Variants in MTRFR observed in about 807,000 individuals in gnomAD.
MTRFR encodes the protein probable peptide chain release factor C12orf65, mitochondrial.
MTRFR carries 10 observed loss-of-function variants against 11.9 expected under a neutral mutation model. The ratio of observed to expected loss-of-function variants is 0.84; its 90% CI spans 0.52 to 1.42. The LOEUF (loss-of-function observed/expected upper bound fraction) is 1.42, where lower values mean the gene tolerates loss of function less well. MTRFR is among the 40% of genes most tolerant of loss of function. MTRFR has a pLI of 0.00. For missense variants in MTRFR, 196 were observed against 197.9 expected, an observed-to-expected ratio of 0.99 and a Z score of 0.06; for synonymous variants, 77 against 79.1, an observed-to-expected ratio of 0.97 and a Z score of 0.14.
At chr12:123,238,831 C>T (rs1282904398) in intron 1 of MTRFR, among the ~76,000 whole-genome samples, 2 of 152,108 alleles carry the variant, frequency 1.3e-5, no homozygotes, top group Non-Finnish European at 2.9e-5. Context: ...CTATGTGGAC[C>T]ACACTTTGGG....
At chr12:123,253,978 A>C in intron 2 of MTRFR, 22 bp downstream of exon 2, 1 of 1,613,382 alleles carries the variant, frequency 6.2e-7, no homozygotes, top group Middle Eastern at 1.7e-4. Flanking sequence ...AAGGCCGCTG[A>C]GGGGAGAGGC....
rs1309841008 is a variant in MTRFR, at chr12:123,233,545, G to A, written c.-29+14G>A. 1 of 152,268 alleles carries A rather than the reference G, an allele frequency of 6.6e-6. No homozygotes were observed. Among genetic ancestry groups the A allele is most frequent in the Admixed American group, 6.5e-5 (1 of 15,282 alleles). The allele number at this position is 152,268 out of a possible 1,614,324, so 9.4% of individuals were successfully genotyped here. A position where few individuals can be genotyped will look rare whatever the true frequency, so the allele number is the denominator to read the frequency against. On this transcript the variant is annotated intron_variant, in intron 1 of 2. Transcript: ENST00000253233. The stretch of plus-strand genomic sequence containing the variant: ...TCCTGAGACCAGGTAAGCATCTGCG[G>A]AGAAGCCAGGTAACCCTACGGCTGC...
At chr12:123,256,675 G>A in intron 2 of MTRFR, 138 bp from the exon 3 acceptor site, 1 of 732,176 alleles carries the variant, frequency 1.4e-6, no homozygotes. Flanking sequence ...TAGCCTGGAT[G>A]ACAAGAACGA....
At chr12:123,255,218 C>G (rs1207544986) in intron 2 of MTRFR, among the ~76,000 whole-genome samples, 4 of 152,120 alleles carry the variant, frequency 2.6e-5, no homozygotes, top group African/African-American at 9.7e-5. Flanking sequence ...AAGGTCCTGC[C>G]ACTCAGTAGT....
chr12:123,256,967 AG>A lies in MTRFR; in HGVS notation c.439del (p.Glu147LysfsTer29). ...KKKQERKKRA[K>X]ETLEKKKLLK... The stretch of plus-strand genomic sequence containing the variant: ...AAACAAGAAAGGAAAAAAAGAGCAA[AG>A]GAAACCCTGGAAAAAAAGAAGCTAC... On this transcript the variant is annotated frameshift_variant, in exon 3 of 3. Coordinates refer to ENST00000253233, the MANE Select transcript of MTRFR (RefSeq NM_152269.5). LOFTEE classifies it high-confidence loss of function. 6.2e-7 allele frequency: 1 copy of A among 1,612,800 alleles called. No homozygotes were observed.
upstream of MTRFR, chr12:123,232,920 C>A (rs968350611): frequency 6.6e-6 from 1 of 152,352 alleles, no homozygotes; most frequent in Non-Finnish European, 1.5e-5. Flanking sequence ...AGCTCCCACA[C>A]GCCGAAGGGC....
At chr12:123,234,205 T>C (rs1261881937) in intron 1 of MTRFR, among the ~76,000 whole-genome samples, 1 of 152,138 alleles carries the variant, frequency 6.6e-6, no homozygotes, top group Non-Finnish European at 1.5e-5. Context: ...CTTTAAGGTC[T>C]TTCCAGCTAC....
chr12:123,253,697 A>G lies in MTRFR; in HGVS notation c.23A>G (p.His8Arg). 1 of 1,613,808 alleles carries G rather than the reference A, an allele frequency of 6.2e-7. No individual in the cohort carries two copies. Among genetic ancestry groups the G allele is most frequent in the East Asian group, 2.2e-5 (1 of 44,868 alleles). Residue 8 changes from histidine to arginine, a missense_variant, in exon 2 of 3, where the codon CAT becomes CGT. Coordinates refer to ENST00000253233, the MANE Select transcript of MTRFR (RefSeq NM_152269.5). Reference sequence around the variant, plus strand: ...CTTATGAGCACCGTGGGTTTATTTCATTTTCCTACACCACTGACCCGAATA... The same window carrying G: ...CTTATGAGCACCGTGGGTTTATTTCGTTTTCCTACACCACTGACCCGAATA... MSTVGLF[H>R]FPTPLTRICP...
At chr12:123,249,148 T>C (rs1229563064) in intron 1 of MTRFR, 2 of 152,294 alleles carry the variant, frequency 1.3e-5, no homozygotes, top group Non-Finnish European at 2.9e-5. Context: ...GATTGGTGTA[T>C]TTACAAACCT....
chr12:123,253,333 C>G, intron 1 of MTRFR: 1 of 346,338 alleles, frequency 2.9e-6, no homozygotes, highest in Middle Eastern at 1.0e-3. Context: ...CCACCATGCC[C>G]GGCCTGAATT....
At chr12:123,250,603 A>G (rs1268318370) in intron 1 of MTRFR, 1 of 152,124 alleles carries the variant, frequency 6.6e-6, no homozygotes, top group Non-Finnish European at 1.5e-5. Context: ...CTATGAGCCA[A>G]ACTTGCAGTG....
chr12:123,257,883 A>T lies in MTRFR; in HGVS notation c.*852A>T, dbSNP rs1238539021. 1 of 152,182 alleles carries T rather than the reference A, an allele frequency of 6.6e-6. No homozygotes were observed. Among genetic ancestry groups the T allele is most frequent in the Non-Finnish European group, 1.5e-5 (1 of 68,040 alleles). 9.4% of individuals were successfully genotyped at this position (152,182 alleles called of 1,614,324 possible). ...AGGGTGTCCCCGTATTTCAAATTGT[A>T]CCTTTGTGAGATTGTATGTTTTGTA... On this transcript the variant is annotated 3_prime_UTR_variant, in exon 3 of 3. Coordinates refer to ENST00000253233, the MANE Select transcript of MTRFR (RefSeq NM_152269.5).
chr12:123,236,711 G>C (rs1275092626), intron 1 of MTRFR, among the ~76,000 whole-genome samples: 7 of 152,136 alleles, frequency 4.6e-5, no homozygotes, highest in African/African-American at 1.4e-4. Flanking sequence ...AATATACAGT[G>C]TTGTTATTCC....
chr12:123,237,805 T>A (rs1215466207), intron 1 of MTRFR, among the ~76,000 whole-genome samples: 1 of 152,166 alleles, frequency 6.6e-6, no homozygotes, highest in African/African-American at 2.4e-5. Context: ...GGATTTCAGA[T>A]ACCTACAGCA....
rs138833360 is a variant in MTRFR at position 123,253,935 on chromosome 12, C to G, written c.261C>G (p.Ile87Met). 1.2e-5 allele frequency: 19 copies of G among 1,614,094 alleles called. No homozygotes were observed. The African/African-American group carries it at 1.9e-4, about 16-fold the overall frequency. The change falls in exon 2 of 3, where the codon ATC becomes ATG. Residue 87 changes from isoleucine (I) to methionine (M), a missense_variant. By Grantham distance (10) the Ile-to-Met change is conservative (BLOSUM62 1). Transcript: ENST00000253233. ...GCAACTGCGTGGTGCTGAAGCACAT[C>G]CCCTCAGGCATCGTTGTAAAGGTAG... ...KTSNCVVLKH[I>M]PSGIVVKCHQ...
intron 1 of MTRFR, chr12:123,250,231 G>GT (rs2048097025): frequency 6.6e-6 from 1 of 152,078 alleles, no homozygotes; most frequent in South Asian, 2.1e-4. Context: ...ATTTTTTATT[G>GT]TTTTTTCTTT....
At chr12:123,256,487 G>C (rs1308509967) in intron 2 of MTRFR, among the ~76,000 whole-genome samples, 1 of 152,138 alleles carries the variant, frequency 6.6e-6, no homozygotes, top group Non-Finnish European at 1.5e-5. Flanking sequence ...AAAGCGAACA[G>C]GTTGTCCTGA....
intron 1 of MTRFR, among the ~76,000 whole-genome samples, chr12:123,234,409 TA>T (rs1283926781): frequency 2.8e-5 from 4 of 144,094 alleles, no homozygotes; most frequent in African/African-American, 1.0e-4. Context: ...GGGAGGGGGG[TA>T]GGGGGGACAA....
intron 1 of MTRFR, among the ~76,000 whole-genome samples, chr12:123,236,804 T>C (rs947187004): frequency 1.3e-5 from 2 of 151,976 alleles, no homozygotes; most frequent in African/African-American, 4.8e-5. Flanking sequence ...AGAACAAATA[T>C]GGGGCCGGGC....
Sources: gnomAD v4.1 joint callset for allele counts (sites outside exome capture counted in the v4.1 genomes callset) on GRCh38, gnomAD v4.1.1 for gene constraint, MANE v1.5 for transcripts, NCBI Gene and HGNC (gene_info 2026-07-23, HGNC 2026-07-21) for gene names.